The following HCN4 variants were observed in gnomAD, a reference collection of about 807,000 sequenced individuals.
The protein encoded by HCN4 is hyperpolarization activated cyclic nucleotide gated potassium channel 4, also known as potassium/sodium hyperpolarization-activated cyclic nucleotide-gated channel 4.
A neutral mutation model predicts 76.9 loss-of-function variants in HCN4; 29 were observed. The ratio of observed to expected loss-of-function variants is 0.38; its 90% CI spans 0.28 to 0.51. The LOEUF is 0.51. Among genes scored for constraint, HCN4 ranks in the 20% least tolerant of loss-of-function variants. HCN4 has a pLI of 0.90. For synonymous variants in HCN4, 772 were observed against 762.5 expected, an observed-to-expected ratio of 1.01 and a Z score of -0.21; for missense variants, 1,416 against 1,715.2, an observed-to-expected ratio of 0.83 and a Z score of 3.08.
chr15:73,358,178 G>A (rs915033254), intron 1 of HCN4, among the ~76,000 whole-genome samples: 3 of 152,168 alleles, frequency 2.0e-5, no homozygotes, highest in Non-Finnish European at 4.4e-5. Context: ...GAGGACCCAG[G>A]GCTCTGGGGC....
At chr15:73,350,905 G>A (rs2043052816) in intron 1 of HCN4, among the ~76,000 whole-genome samples, 1 of 152,044 alleles carries the variant, frequency 6.6e-6, no homozygotes, top group Admixed American at 6.5e-5. Flanking sequence ...CCTTGAAGGA[G>A]GTGTCACCGT....
At chr15:73,331,995 A>T in intron 3 of HCN4, 136 bp downstream of exon 3, 1 of 807,002 alleles carries the variant, frequency 1.2e-6, no homozygotes, top group South Asian at 1.5e-5. Context: ...GGGTAGAGCT[A>T]TGTGCCCCCT....
chr15:73,330,720 C>T (rs539965526), intron 3 of HCN4, among the ~76,000 whole-genome samples: 102 of 152,330 alleles, frequency 6.7e-4, no homozygotes, highest in African/African-American at 2.2e-3. Context: ...GCGCAGGAGC[C>T]CGTGAGCTTC....
At chr15:73,326,623 G>A (rs1223292338) in intron 4 of HCN4, among the ~76,000 whole-genome samples, 1 of 152,144 alleles carries the variant, frequency 6.6e-6, no homozygotes, top group Admixed American at 6.5e-5. Flanking sequence ...GGGATGGAGA[G>A]GAGGGAAGAC....
At position 73,328,996 on chromosome 15, in the gene HCN4, TGA is replaced by T. The variant is rs1424612766; in HGVS notation, c.1590+575_1590+576del. 6.6e-6 allele frequency among the ~76,000 whole-genome samples: 1 copy of T among 152,122 alleles called. No homozygotes were observed. The highest frequency in any genetic ancestry group is 1.9e-4 in the East Asian group (1 of 5,138). On this transcript the variant is annotated intron_variant, in intron 4 of 7. Transcript: ENST00000261917. The surrounding 1 kb of genome is among the most constrained non-coding windows in gnomAD (Gnocchi z 4.0). ...AGGGATGAAATAAACCACCTGGAGC[TGA>T]GAGATGAGGTGGGGCTGCTGATGCT...
At position 73,348,963 on chromosome 15, in the gene HCN4, G is replaced by A. The variant is rs115637502; in HGVS notation, c.786-5155C>T. On this transcript the variant is annotated intron_variant, in intron 1 of 7. Coordinates refer to ENST00000261917, the MANE Select transcript of HCN4 (RefSeq NM_005477.3). ...AGCATCATCCTCCTCAAAGCTGAATGGCACAGTTTGCATTTCAATAATCTA... is the reference window on the plus strand; with the variant it reads ...AGCATCATCCTCCTCAAAGCTGAATAGCACAGTTTGCATTTCAATAATCTA... Among the ~76,000 whole-genome samples the A allele has an allele frequency of 6.7e-3, 1,022 of 152,294 alleles. 8 individuals carry two copies. The highest frequency in any genetic ancestry group is 0.023 in the African/African-American group (964 of 41,564).
At chr15:73,351,897 G>A (rs2043056444) in intron 1 of HCN4, among the ~76,000 whole-genome samples, 1 of 152,092 alleles carries the variant, frequency 6.6e-6, no homozygotes, top group Non-Finnish European at 1.5e-5. Flanking sequence ...CCCAACGCAT[G>A]GTGCTTTCTT....
Position 73,367,940 on chromosome 15 carries a change from C to T in HCN4, c.331G>A (p.Gly111Ser), listed in dbSNP as rs758437800. The T allele has an allele frequency of 1.1e-5, 15 of 1,357,950 alleles. No homozygotes were observed. The highest frequency in any genetic ancestry group is 1.4e-5 in the Non-Finnish European group (15 of 1,059,356). 84.1% of individuals were successfully genotyped at this position (1,357,950 alleles called of 1,614,324 possible). ...TGACTGCTGCCGCTCCCCGTGCCGC[C>T]GCTGCCGCCGCCCCGGCTGCCCAGC... ...ASLGSRGGGS[G>S]GTGSGSSHGH... The change falls in exon 1 of 8, where the codon GGC becomes AGC. Residue 111 changes from glycine (G) to serine (S), a missense_variant. Around this residue, in one of 6 missense-constraint regions of HCN4, gnomAD observed 355 missense variants for 347.8 expected, o/e 1.02. Coordinates refer to ENST00000261917, the MANE Select transcript of HCN4 (RefSeq NM_005477.3). The surrounding 1 kb of genome is among the most constrained non-coding windows in gnomAD (Gnocchi z 7.5).
intron 1 of HCN4, among the ~76,000 whole-genome samples, chr15:73,362,481 T>C (rs1481870044): frequency 6.6e-6 from 1 of 152,236 alleles, no homozygotes. Flanking sequence ...AATCAGAATC[T>C]GTATTGAACA....
At chr15:73,352,674 C>G (rs1040900454) in intron 1 of HCN4, among the ~76,000 whole-genome samples, 2 of 152,174 alleles carry the variant, frequency 1.3e-5, no homozygotes, top group Non-Finnish European at 2.9e-5. Flanking sequence ...CATAATAAGC[C>G]TCTCATTATG....
intron 2 of HCN4, among the ~76,000 whole-genome samples, chr15:73,334,690 A>G (rs946992647): frequency 4.0e-5 from 6 of 151,688 alleles, no homozygotes; most frequent in Non-Finnish European, 7.4e-5. Flanking sequence ...ACCACAACTC[A>G]GCCTCCCCCT....
intron 4 of HCN4, among the ~76,000 whole-genome samples, chr15:73,327,997 A>T (rs1313404205): frequency 6.6e-6 from 1 of 152,216 alleles, no homozygotes; most frequent in Non-Finnish European, 1.5e-5. Flanking sequence ...TGTGCCAGGC[A>T]TGGGGCATAA....
intron 1 of HCN4, among the ~76,000 whole-genome samples, chr15:73,347,082 G>T (rs1056078868): frequency 1.3e-5 from 2 of 152,176 alleles, no homozygotes; most frequent in Admixed American, 1.3e-4. Context: ...TTTTACTGGG[G>T]CTCCTTGGTG....
At chr15:73,357,230 A>G (rs1367822615) in intron 1 of HCN4, among the ~76,000 whole-genome samples, 1 of 152,172 alleles carries the variant, frequency 6.6e-6, no homozygotes, top group Non-Finnish European at 1.5e-5. Context: ...GGCCTCAGTT[A>G]AGTCCACACA....
intron 2 of HCN4, among the ~76,000 whole-genome samples, chr15:73,337,478 T>G (rs2042973864): frequency 6.6e-6 from 1 of 152,214 alleles, no homozygotes; most frequent in Non-Finnish European, 1.5e-5. Flanking sequence ...TAACTGCTCC[T>G]TTGGACAGAT....
Position 73,323,325 on chromosome 15 carries a change from G to A in HCN4, c.2768C>T (p.Ser923Phe), listed in dbSNP as rs1595819822. ...ALGGSLSSSD[S>F]PLLTPLQPGA... ...TGGCTGCAGCGGGGTGAGCAGGGGA[G>A]AGTCGGAGGAGGACAGGGAGCCACC... Residue 923 changes from serine (S) to phenylalanine (F), a missense_variant, in exon 8 of 8, where the codon TCT becomes TTT. By Grantham distance (155) the Ser-to-Phe change is radical. This residue lies in a region of HCN4 where 633 missense variants were observed against 579.8 expected (regional missense o/e 1.09). Transcript: ENST00000261917. 1 of 1,560,160 alleles carries A rather than the reference G, an allele frequency of 6.4e-7. No individual in the cohort carries two copies. Among genetic ancestry groups the A allele is most frequent in the Non-Finnish European group, 8.7e-7 (1 of 1,151,702 alleles).
At chr15:73,365,909 A>G (rs1304441799) in intron 1 of HCN4, among the ~76,000 whole-genome samples, 1 of 152,176 alleles carries the variant, frequency 6.6e-6, no homozygotes, top group Admixed American at 6.5e-5. Flanking sequence ...AAAACCCAGG[A>G]CACCCATGGG....
chr15:73,329,077 A>G (rs2042916434), intron 4 of HCN4, among the ~76,000 whole-genome samples: 1 of 152,164 alleles, frequency 6.6e-6, no homozygotes, highest in Non-Finnish European at 1.5e-5. Context: ...CTGGGTGGTG[A>G]AACCACAGCA....
chr15:73,322,990 G>C lies in HCN4; in HGVS notation c.3103C>G (p.Pro1035Ala), dbSNP rs777117707. 7 of 1,452,716 alleles carry C rather than the reference G, an allele frequency of 4.8e-6. No homozygotes were observed. Among genetic ancestry groups the C allele is most frequent in the East Asian group, 4.8e-5 (2 of 41,582 alleles). 90.0% of individuals were successfully genotyped at this position (1,452,716 alleles called of 1,614,324 possible). Reference sequence around the variant, plus strand: ...GGCGGGGCACTCGGGAAGGTTCTTGGGGGGCCTGGGCTGTGGCCAGGGGGG... The same window carrying C: ...GGCGGGGCACTCGGGAAGGTTCTTGCGGGGCCTGGGCTGTGGCCAGGGGGG... The part of the protein sequence containing the change: ...LSPPGHSPGP[P>A]RTFPSAPPRA... The change falls in exon 8 of 8, where the codon CCA becomes GCA. Residue 1035 changes from proline (P) to alanine (A), a missense_variant. Physicochemically the swap from Pro to Ala is conservative, Grantham distance 27 (BLOSUM62 -1). This residue lies in a region of HCN4 where 633 missense variants were observed against 579.8 expected (regional missense o/e 1.09). Coordinates refer to ENST00000261917, the MANE Select transcript of HCN4 (RefSeq NM_005477.3).
Sources: allele counts gnomAD v4.1 joint callset (sites outside exome capture counted in the v4.1 genomes callset), GRCh38; gene constraint gnomAD v4.1.1; regional missense constraint gnomAD v4.1.1; non-coding constraint Gnocchi (gnomAD v3.1); transcripts MANE v1.5; gene names NCBI Gene and HGNC (gene_info 2026-07-23, HGNC 2026-07-21).